The following NRXN1 variants were observed in gnomAD, a reference collection of about 807,000 sequenced individuals.
NRXN1 encodes the protein neurexin 1, also known as neurexin-1.
Under a neutral mutation model 150.9 loss-of-function variants are expected in NRXN1, and 39 were observed. The ratio of observed to expected loss-of-function variants is 0.26; its 90% CI spans 0.20 to 0.34. NRXN1 has a LOEUF of 0.34. NRXN1 is among the 10% of genes least tolerant of loss of function. The pLI, the probability that NRXN1 is intolerant of heterozygous loss-of-function variation, is 1.00. For missense variants in NRXN1, 1,815 were observed against 1,949.9 expected (o/e 0.93, Z 1.30); for synonymous variants, 924 against 757.0 (o/e 1.22, Z -3.62).
chr2:50,463,124 A>C (rs2088418715), intron 17 of NRXN1, among the ~76,000 whole-genome samples: 1 of 151,838 alleles, frequency 6.6e-6, no homozygotes, highest in Admixed American at 6.6e-5. Context: ...ACAGAAAAGG[A>C]GTTTGTTAAA....
chr2:50,593,668 A>G (rs564201479), intron 8 of NRXN1, among the ~76,000 whole-genome samples: 1 of 152,308 alleles, frequency 6.6e-6, no homozygotes, highest in African/African-American at 2.4e-5. Context: ...TGTTGCTTGC[A>G]AAGGGGAAGG....
chr2:50,486,662 G>A (rs1460522871), intron 15 of NRXN1, among the ~76,000 whole-genome samples: 10 of 152,072 alleles, frequency 6.6e-5, no homozygotes, highest in Non-Finnish European at 1.5e-5. Context: ...GGGAGTGTGA[G>A]TGGGGCATGA....
At chr2:50,170,123 G>A (rs571895954) in intron 18 of NRXN1, among the ~76,000 whole-genome samples, 23 of 149,362 alleles carry the variant, frequency 1.5e-4, no homozygotes, top group South Asian at 6.3e-4. Flanking sequence ...TTTATAATAC[G>A]TCATATTATA....
rs116580541 is a variant in NRXN1 at position 50,993,893 on chromosome 2, T to C, written c.772+33609A>G. ...GGGAACCCAGAGCACTTTGCAAATTTATGTTCTTTAACCGGCATGTATTTT... is the reference window on the plus strand; with the variant it reads ...GGGAACCCAGAGCACTTTGCAAATTCATGTTCTTTAACCGGCATGTATTTT... On this transcript the variant is annotated intron_variant, in intron 2 of 22. Transcript: ENST00000401669. Among the ~76,000 whole-genome samples the C allele has an allele frequency of 8.0e-3, 1,223 of 152,110 alleles. 11 individuals are homozygous for C. The highest frequency in any genetic ancestry group is 0.028 in the African/African-American group (1,150 of 41,536).
chr2:50,275,592 GC>G (rs1169165348), intron 17 of NRXN1, among the ~76,000 whole-genome samples: 1 of 151,782 alleles, frequency 6.6e-6, no homozygotes, highest in African/African-American at 2.4e-5. Flanking sequence ...CGAAGATTTG[GC>G]TTCCCCACAC....
At chr2:50,258,191 A>T (rs193273755) in intron 17 of NRXN1, among the ~76,000 whole-genome samples, 1 of 152,012 alleles carries the variant, frequency 6.6e-6, no homozygotes, top group East Asian at 1.9e-4. Context: ...GACTCTACAC[A>T]AAAGTTTTCT....
chr2:50,872,827 G>C lies in NRXN1; in HGVS notation c.832+49042C>G, dbSNP rs1574783790. 2.0e-5 allele frequency among the ~76,000 whole-genome samples: 3 copies of C among 151,624 alleles called. No homozygotes were observed. The East Asian group carries it at 5.9e-4, about 30-fold the overall frequency. Reference sequence around the variant, plus strand: ...AATAAAATAAAAATTAATTAGCTGGGTGTGGTGGTGCATTCCTGTAGTCCT... The same window carrying C: ...AATAAAATAAAAATTAATTAGCTGGCTGTGGTGGTGCATTCCTGTAGTCCT... On this transcript the variant is annotated intron_variant, in intron 5 of 22. Coordinates refer to ENST00000401669, the MANE Select transcript of NRXN1 (RefSeq NM_001330078.2).
intron 21 of NRXN1, among the ~76,000 whole-genome samples, chr2:49,959,070 C>A (rs1189485338): frequency 6.6e-6 from 1 of 152,186 alleles, no homozygotes; most frequent in African/African-American, 2.4e-5. Flanking sequence ...ATATTTATTT[C>A]TAAGCGAATC....
intron 5 of NRXN1, among the ~76,000 whole-genome samples, chr2:50,751,873 C>T (rs1700634112): frequency 6.6e-6 from 1 of 151,966 alleles, no homozygotes; most frequent in South Asian, 2.1e-4. Context: ...GGGCCCAGGT[C>T]TCCTATTCCA....
At chr2:50,792,786 G>T (rs186574468) in intron 5 of NRXN1, among the ~76,000 whole-genome samples, 68 of 152,038 alleles carry the variant, frequency 4.5e-4, no homozygotes, top group Non-Finnish European at 8.2e-4. Flanking sequence ...ATACTTTAGA[G>T]AATTTATTTA....
At chr2:50,536,418 C>G (rs981688583) in intron 10 of NRXN1, among the ~76,000 whole-genome samples, 2 of 152,128 alleles carry the variant, frequency 1.3e-5, no homozygotes, top group Non-Finnish European at 2.9e-5. Flanking sequence ...TGCTTGCTGC[C>G]CCTTTTTCTA....
Position 50,538,429 on chromosome 2 carries a change from A to T in NRXN1, c.1967T>A (p.Ile656Asn). The change falls in exon 10 of 23, where the codon ATC (isoleucine) becomes AAC (asparagine). Residue 656 changes from isoleucine (I) to asparagine (N), a missense_variant. Physicochemically the swap from Ile to Asn is moderately radical, Grantham distance 149. This residue lies in a region of NRXN1 where 638 missense variants were observed against 652.6 expected (regional missense o/e 0.98). Transcript: ENST00000401669. ...DLFIDGQSKDIRQMAEVQSTA... is the reference protein window; with the variant it reads ...DLFIDGQSKDNRQMAEVQSTA... ...ACTTTGAACTTCAGCCATTTGCCGG[A>T]TATCTTTGCTTTGGCCATCGATGAA... The T allele has an allele frequency of 6.2e-7, 1 of 1,613,970 alleles. No homozygotes were observed. The highest frequency in any genetic ancestry group is 8.5e-7 in the Non-Finnish European group (1 of 1,179,870).
At chr2:50,555,584 G>A (rs574000056) in intron 8 of NRXN1, among the ~76,000 whole-genome samples, 8 of 152,226 alleles carry the variant, frequency 5.3e-5, no homozygotes, top group South Asian at 2.1e-4. Context: ...TCACCACAGC[G>A]CAGCACCAAG....
At chr2:50,381,565 AC>A (rs1187193363) in intron 17 of NRXN1, among the ~76,000 whole-genome samples, 20 of 147,848 alleles carry the variant, frequency 1.4e-4, no homozygotes, top group Admixed American at 7.0e-4. Context: ...ACACACACAC[AC>A]ACACACAATC....
chr2:50,331,649 G>A (rs1007777432), intron 17 of NRXN1, among the ~76,000 whole-genome samples: 1 of 152,142 alleles, frequency 6.6e-6, no homozygotes, highest in African/African-American at 2.4e-5. Flanking sequence ...TATATCAACA[G>A]CAATTGATCA....
intron 21 of NRXN1, among the ~76,000 whole-genome samples, chr2:49,972,314 G>C (rs188228805): frequency 7.2e-4 from 109 of 152,228 alleles, no homozygotes; most frequent in South Asian, 8.3e-4. Flanking sequence ...AATTTGAACT[G>C]GGTATTGGTC....
At chr2:50,564,519 A>C (rs1233068871) in intron 8 of NRXN1, among the ~76,000 whole-genome samples, 2 of 152,178 alleles carry the variant, frequency 1.3e-5, no homozygotes, top group Non-Finnish European at 2.9e-5. Context: ...TTTTAAAGTA[A>C]TATTTTTTAT....
intron 21 of NRXN1, among the ~76,000 whole-genome samples, chr2:49,993,636 T>C (rs553623944): frequency 2.0e-5 from 3 of 152,180 alleles, no homozygotes; most frequent in African/African-American, 7.2e-5. Flanking sequence ...AAGCTATCCA[T>C]GTATGGGGGC....
chr2:50,281,119 A>G (rs1327818924), intron 17 of NRXN1, among the ~76,000 whole-genome samples: 2 of 147,788 alleles, frequency 1.4e-5, no homozygotes, highest in African/African-American at 5.0e-5. Context: ...CCTGGCTAAC[A>G]CGGTGAAACC....
Sources: allele counts gnomAD v4.1 joint callset (sites outside exome capture counted in the v4.1 genomes callset), GRCh38; gene constraint gnomAD v4.1.1; regional missense constraint gnomAD v4.1.1; transcripts MANE v1.5; gene names NCBI Gene and HGNC (gene_info 2026-07-23, HGNC 2026-07-21).